Variants in ZNF532 observed in about 807,000 individuals in gnomAD.
ZNF532 encodes the protein zinc finger protein 532.
A neutral mutation model predicts 89.3 loss-of-function variants in ZNF532; 22 were observed. The ratio of observed to expected loss-of-function variants is 0.25; its 90% CI spans 0.18 to 0.35. ZNF532 has a LOEUF of 0.35. ZNF532 is among the 10% of genes least tolerant of loss of function. The probability of loss-of-function intolerance (pLI) is 1.00; values close to 1 mark genes in which losing one functional copy is unlikely to be tolerated. For synonymous variants in ZNF532, 606 were observed against 649.6 expected (o/e 0.93, Z 1.02); for missense variants, 1,132 against 1,643.4 (o/e 0.69, Z 5.38).
At chr18:58,941,691 A>G (rs2063044858) in intron 5 of ZNF532, among the ~76,000 whole-genome samples, 1 of 151,956 alleles carries the variant, frequency 6.6e-6, no homozygotes, top group Non-Finnish European at 1.5e-5. Flanking sequence ...CTTGTCTTGA[A>G]TTCTTGGGCT....
intron 2 of ZNF532, among the ~76,000 whole-genome samples, chr18:58,888,741 T>TTTTATATATATATAATATATATATAA: frequency 3.3e-5 from 1 of 30,444 alleles, no homozygotes; most frequent in African/African-American, 1.6e-4. Flanking sequence ...TATATATATA[T>TTTTATATATATATAATATATATATAA]TTTATATATA....
chr18:58,864,070 C>T (rs1225123666), upstream of ZNF532: 1 of 152,150 alleles, frequency 6.6e-6, no homozygotes, highest in East Asian at 1.9e-4. Flanking sequence ...CTCCTACTCC[C>T]CCCGCCGGCG....
At chr18:58,878,226 G>T (rs996757833) in intron 2 of ZNF532, among the ~76,000 whole-genome samples, 1 of 152,140 alleles carries the variant, frequency 6.6e-6, no homozygotes, top group East Asian at 1.9e-4. Flanking sequence ...CTGCACTCCA[G>T]CCTGGGCGAC....
chr18:58,964,592 T>C (rs2065730339), intron 7 of ZNF532, among the ~76,000 whole-genome samples: 1 of 151,258 alleles, frequency 6.6e-6, no homozygotes, highest in Non-Finnish European at 1.5e-5. Flanking sequence ...TACACAGTTT[T>C]TCTTTTTTTT....
rs1039541041 is a variant in ZNF532, at chr18:58,865,496, C to T, written c.-101C>T. ...CCTGTTGACTGGGGCTGCTTTTAAC[C>T]CTTTCCTATTTGCTGAGAATGCAGC... On this transcript the variant is annotated 5_prime_UTR_variant, in exon 2 of 10. Coordinates refer to ENST00000591808, the MANE Select transcript of ZNF532 (RefSeq NM_001375912.1). 6.5e-6 allele frequency: 1 copy of T among 153,068 alleles called. No individual in the cohort carries two copies. The highest frequency in any genetic ancestry group is 1.9e-4 in the East Asian group (1 of 5,180). 9.5% of individuals were successfully genotyped at this position (153,068 alleles called of 1,614,324 possible).
intron 2 of ZNF532, among the ~76,000 whole-genome samples, chr18:58,903,292 G>A (rs2059717275): frequency 6.6e-6 from 1 of 152,174 alleles, no homozygotes; most frequent in Non-Finnish European, 1.5e-5. Context: ...AAGGAAAGCT[G>A]GGCCTGCGAA....
upstream of ZNF532, chr18:58,863,121 G>A (rs1179139923): frequency 2.6e-5 from 4 of 152,378 alleles, no homozygotes; most frequent in Non-Finnish European, 4.4e-5. Context: ...AGAGGCTCAC[G>A]GTCTTTTCAA....
At chr18:58,890,761 C>G (rs1375719988) in intron 2 of ZNF532, among the ~76,000 whole-genome samples, 1 of 152,006 alleles carries the variant, frequency 6.6e-6, no homozygotes, top group Non-Finnish European at 1.5e-5. Context: ...TTCCTCCTCC[C>G]CCACTCCACC....
Position 58,949,713 on chromosome 18 carries a change from G to C in ZNF532, c.2868+1484G>C, listed in dbSNP as rs1285728891. Among the ~76,000 whole-genome samples, 2 of 152,184 alleles carry C rather than the reference G, an allele frequency of 1.3e-5. 1 individual carries two copies. On this transcript the variant is annotated intron_variant, in intron 6 of 9. Coordinates refer to ENST00000591808, the MANE Select transcript of ZNF532 (RefSeq NM_001375912.1). ...ACAAAAAGTTACACAAAAAAGGTCA[G>C]TTTAAAGCGCAAAGTCCCTGAATTA...
intron 3 of ZNF532, among the ~76,000 whole-genome samples, chr18:58,921,980 G>A (rs1568332164): frequency 6.6e-6 from 1 of 152,068 alleles, no homozygotes; most frequent in Non-Finnish European, 1.5e-5. Context: ...GGTGGTGCAT[G>A]CTGTTGGTCC....
intron 3 of ZNF532, among the ~76,000 whole-genome samples, chr18:58,921,157 G>T (rs2061046173): frequency 6.6e-6 from 1 of 151,474 alleles, no homozygotes; most frequent in Non-Finnish European, 1.5e-5. Context: ...GTTTTTTGAG[G>T]GGAGGATAAT....
intron 2 of ZNF532, among the ~76,000 whole-genome samples, chr18:58,912,128 G>A (rs893363014): frequency 1.3e-5 from 2 of 152,124 alleles, no homozygotes; most frequent in Non-Finnish European, 2.9e-5. Context: ...TCCCAAGGTC[G>A]TGACCTGGTT....
rs537381924 is a variant in ZNF532, at chr18:58,949,450, G to C, written c.2868+1221G>C. 1.5e-3 allele frequency among the ~76,000 whole-genome samples: 227 copies of C among 152,292 alleles called. 1 individual carries two copies. The highest frequency in any genetic ancestry group is 5.1e-3 in the African/African-American group (212 of 41,552). On this transcript the variant is annotated intron_variant, in intron 6 of 9. Transcript: ENST00000591808. ...ACGGTGGCTTACACCTGTAATCCCAGCACTTTGGGAGGCCAAGGTAGGCGG... is the reference window on the plus strand; with the variant it reads ...ACGGTGGCTTACACCTGTAATCCCACCACTTTGGGAGGCCAAGGTAGGCGG...
At chr18:58,920,750 G>C (rs1214118638) in intron 3 of ZNF532, 117 bp downstream of exon 3, 2 of 472,846 alleles carry the variant, frequency 4.2e-6, no homozygotes, top group Non-Finnish European at 7.1e-6. Flanking sequence ...GTGTGTGTGT[G>C]TGTGTGTGTG....
chr18:58,890,977 A>G (rs1236515012), intron 2 of ZNF532, among the ~76,000 whole-genome samples: 1 of 151,796 alleles, frequency 6.6e-6, no homozygotes, highest in African/African-American at 2.4e-5. Flanking sequence ...CCTGAGTAGC[A>G]GGAACTACAC....
chr18:58,876,637 G>T (rs573655224), intron 2 of ZNF532, among the ~76,000 whole-genome samples: 1 of 152,284 alleles, frequency 6.6e-6, no homozygotes, highest in Non-Finnish European at 1.5e-5. Context: ...TTGATATTGT[G>T]ATCCCTTTGA....
chr18:58,927,986 G>A (rs2061660171), intron 3 of ZNF532, among the ~76,000 whole-genome samples: 1 of 152,062 alleles, frequency 6.6e-6, no homozygotes, highest in African/African-American at 2.4e-5. Context: ...ACATCTGGTG[G>A]GCTGAGCCTC....
chr18:58,909,272 T>A (rs1322531049), intron 2 of ZNF532, among the ~76,000 whole-genome samples: 1 of 152,168 alleles, frequency 6.6e-6, no homozygotes, highest in Admixed American at 6.6e-5. Context: ...ATTTTTAATG[T>A]TTTCCTAGAG....
chr18:58,968,697 C>G (rs1477187751), intron 7 of ZNF532, among the ~76,000 whole-genome samples: 1 of 152,132 alleles, frequency 6.6e-6, no homozygotes, highest in Admixed American at 6.5e-5. Context: ...CCTTGAAGAG[C>G]CCAGATTTGC....
Sources: gnomAD v4.1 joint callset for allele counts (sites outside exome capture counted in the v4.1 genomes callset) on GRCh38, gnomAD v4.1.1 for gene constraint, MANE v1.5 for transcripts, NCBI Gene and HGNC (gene_info 2026-07-23, HGNC 2026-07-21) for gene names.